The following PKP2 variants were observed in gnomAD, a reference collection of about 807,000 sequenced individuals.
PKP2 encodes plakophilin 2, also known as plakophilin-2.
A neutral mutation model predicts 83.4 loss-of-function variants in PKP2; 73 were observed. The observed-to-expected ratio is 0.88, with a 90% confidence interval of 0.72 to 1.06. The LOEUF (loss-of-function observed/expected upper bound fraction) is 1.06. PKP2 is among the 50% of genes least tolerant of loss of function. The pLI is 0.00. For missense variants in PKP2, 966 were observed against 1,065.4 expected (o/e 0.91, Z 1.30); for synonymous variants, 409 against 430.4 (o/e 0.95, Z 0.62).
chr12:32,845,495 T>C (rs1003705449), intron 5 of PKP2, among the ~76,000 whole-genome samples: 1 of 152,038 alleles, frequency 6.6e-6, no homozygotes, highest in African/African-American at 2.4e-5. Flanking sequence ...GAGCTTGCAG[T>C]GAGCCGAGAT....
At chr12:32,814,592 CTTAT>C (rs1956304393) in intron 9 of PKP2, among the ~76,000 whole-genome samples, 1 of 152,132 alleles carries the variant, frequency 6.6e-6, no homozygotes, top group African/African-American at 2.4e-5. Context: ...TCTTAAATTT[CTTAT>C]TTAGACTATG....
At chr12:32,892,812 TGGGGGCGGGG>T (rs1370017259) in intron 1 of PKP2, among the ~76,000 whole-genome samples, 2 of 352 alleles carry the variant, frequency 5.7e-3, no homozygotes, top group Non-Finnish European at 0.019. Context: ...ATACCTGGGG[TGGGGGCGGGG>T]GGGGGGGGAG....
chr12:32,864,782 G>A (rs1300755475), intron 4 of PKP2, among the ~76,000 whole-genome samples: 3 of 152,280 alleles, frequency 2.0e-5, no homozygotes, highest in East Asian at 3.9e-4. Flanking sequence ...CTTATAAAAC[G>A]ATAGTAATCA....
chr12:32,809,775 G>A (rs1008522477), intron 9 of PKP2, among the ~76,000 whole-genome samples: 3 of 152,202 alleles, frequency 2.0e-5, no homozygotes, highest in Non-Finnish European at 4.4e-5. Context: ...CATGGTCCTG[G>A]GCGGGTCGCA....
At chr12:32,848,996 T>C (rs1299730251) in intron 5 of PKP2, among the ~76,000 whole-genome samples, 6 of 146,280 alleles carry the variant, frequency 4.1e-5, no homozygotes, top group Non-Finnish European at 8.9e-5. Flanking sequence ...CTGTCAACTA[T>C]TACACAGTTA....
intron 6 of PKP2, among the ~76,000 whole-genome samples, chr12:32,829,539 C>G (rs554694459): frequency 6.6e-5 from 10 of 151,980 alleles, no homozygotes; most frequent in Non-Finnish European, 1.3e-4. Flanking sequence ...CGTGACCAGC[C>G]AAAATTTTGT....
rs770779236 is a variant in PKP2, at chr12:32,807,644, G to A, written c.2014-5088C>T. ...CTGTCACTGGTCTGTGTACTTCAGT[G>A]TGTTTTCATAGTGGCTGGTAATGGT... On this transcript the variant is annotated intron_variant, in intron 9 of 12. Transcript: ENST00000340811. 2.4e-3 allele frequency among the ~76,000 whole-genome samples: 358 copies of A among 152,268 alleles called. 8 individuals are homozygous for A. Among genetic ancestry groups the A allele is most frequent in the Non-Finnish European group, 6.2e-4 (42 of 68,010 alleles).
At chr12:32,867,919 A>G (rs1452489615) in intron 4 of PKP2, among the ~76,000 whole-genome samples, 3 of 152,244 alleles carry the variant, frequency 2.0e-5, no homozygotes, top group Non-Finnish European at 4.4e-5. Flanking sequence ...CAAATATAAA[A>G]TAACATATTG....
At chr12:32,846,572 T>C (rs148568057) in intron 5 of PKP2, among the ~76,000 whole-genome samples, 1,795 of 151,612 alleles carry the variant, frequency 0.012, 5 homozygotes, top group Middle Eastern at 0.024. Flanking sequence ...TGGAGAAACC[T>C]CCATCTCTAC....
At chr12:32,828,600 G>C (rs1215284962) in intron 6 of PKP2, among the ~76,000 whole-genome samples, 1 of 152,186 alleles carries the variant, frequency 6.6e-6, no homozygotes, top group Non-Finnish European at 1.5e-5. Flanking sequence ...TTTAAAATCA[G>C]AATTAACTGC....
intron 4 of PKP2, among the ~76,000 whole-genome samples, chr12:32,857,178 C>G (rs1956757298): frequency 6.6e-6 from 1 of 152,204 alleles, no homozygotes; most frequent in African/African-American, 2.4e-5. Flanking sequence ...AATCCTAGCA[C>G]TTTGGGAGGC....
chr12:32,859,315 T>G (rs373232439), intron 4 of PKP2, among the ~76,000 whole-genome samples: 1 of 152,242 alleles, frequency 6.6e-6, no homozygotes, highest in East Asian at 1.9e-4. Context: ...ATTAGTTCCA[T>G]TAAGTTCTCA....
chr12:32,886,747 T>C (rs1291238527), intron 1 of PKP2, among the ~76,000 whole-genome samples: 3 of 152,144 alleles, frequency 2.0e-5, no homozygotes, highest in African/African-American at 7.2e-5. Flanking sequence ...ATCCTAGCAC[T>C]TGGGGAGGCT....
At chr12:32,880,433 AG>A (rs1956975143) in intron 1 of PKP2, among the ~76,000 whole-genome samples, 1 of 152,154 alleles carries the variant, frequency 6.6e-6, no homozygotes, top group Non-Finnish European at 1.5e-5. Context: ...GAAAAACAAC[AG>A]GGTAGATCAG....
rs1301113024 is a variant in PKP2, at chr12:32,840,974, GCTAC to G, written c.1556+50_1556+53del. Reference sequence around the variant, plus strand: ...CAGAATATATCCTGACTTCCTTGGGGCTACCTAATTTTTTATTGCATCTTCTATC... The same window carrying G: ...CAGAATATATCCTGACTTCCTTGGGGCTAATTTTTTATTGCATCTTCTATC... On this transcript the variant is annotated intron_variant, in intron 6 of 12. Transcript: ENST00000340811. The G allele has an allele frequency of 9.6e-6, 13 of 1,352,592 alleles. No individual in the cohort carries two copies. The African/African-American group carries it at 1.4e-4, about 15-fold the overall frequency. The allele number at this position is 1,352,592 out of a possible 1,614,324, so 83.8% of individuals were successfully genotyped here.
At chr12:32,828,999 G>C (rs1592741022) in intron 6 of PKP2, among the ~76,000 whole-genome samples, 1 of 152,036 alleles carries the variant, frequency 6.6e-6, no homozygotes, top group African/African-American at 2.4e-5. Flanking sequence ...GCAGTGGCAT[G>C]ATCATACCTC....
chr12:32,884,829 T>G (rs892971814), intron 1 of PKP2, among the ~76,000 whole-genome samples: 9 of 151,894 alleles, frequency 5.9e-5, no homozygotes, highest in Non-Finnish European at 1.0e-4. Context: ...TGAATTGGAC[T>G]TTTTCTGGTG....
At chr12:32,816,560 T>C (rs181094518) in intron 9 of PKP2, among the ~76,000 whole-genome samples, 5 of 152,334 alleles carry the variant, frequency 3.3e-5, no homozygotes, top group African/African-American at 7.2e-5. Flanking sequence ...TGAGTGCACG[T>C]GTCTTCTTGG....
intron 6 of PKP2, chr12:32,824,455 A>G: frequency 2.6e-6 from 1 of 385,928 alleles, no homozygotes; most frequent in South Asian, 2.3e-5. Context: ...GAGTGTGGAT[A>G]TGAGGCAAAT....
Sources: gnomAD v4.1 joint callset for allele counts (sites outside exome capture counted in the v4.1 genomes callset) on GRCh38, gnomAD v4.1.1 for gene constraint, MANE v1.5 for transcripts, NCBI Gene and HGNC (gene_info 2026-07-23, HGNC 2026-07-21) for gene names.